Variants in GRAMD1C observed in about 807,000 individuals in gnomAD.
The protein encoded by GRAMD1C is GRAM domain containing 1C.
A neutral mutation model predicts 97.8 loss-of-function variants in GRAMD1C; 89 were observed. The observed-to-expected ratio is 0.91, with a 90% CI of 0.77 to 1.09. The LOEUF (loss-of-function observed/expected upper bound fraction) is 1.09. Ranked by LOEUF, GRAMD1C falls within the 50% of genes least tolerant of loss-of-function variation. The pLI, the probability that GRAMD1C is intolerant of heterozygous loss-of-function variation, is 0.00. For missense variants in GRAMD1C, 740 were observed against 766.4 expected, an observed-to-expected ratio of 0.97 and a Z score of 0.41; for synonymous variants, 256 against 267.0, an observed-to-expected ratio of 0.96 and a Z score of 0.40.
chr3:113,903,810 T>C (rs1340749587), intron 7 of GRAMD1C, among the ~76,000 whole-genome samples: 1 of 151,824 alleles, frequency 6.6e-6, no homozygotes, highest in East Asian at 1.9e-4. Context: ...TCTGTACCTG[T>C]CCAAGCTTTG....
Position 113,872,906 on chromosome 3 carries a change from T to C in GRAMD1C, c.260-2578T>C, listed in dbSNP as rs1367444936. On this transcript the variant is annotated intron_variant, in intron 3 of 17. Coordinates refer to ENST00000358160, the MANE Select transcript of GRAMD1C (RefSeq NM_017577.5). Reference sequence around the variant, plus strand: ...GGGCAACACAGTGAAACCCTGTGTCTACTAAAAATACAAAAAAAAAAAAAA... The same window carrying C: ...GGGCAACACAGTGAAACCCTGTGTCCACTAAAAATACAAAAAAAAAAAAAA... Among the ~76,000 whole-genome samples the C allele has an allele frequency of 1.1e-4, 14 of 132,316 alleles. No homozygotes were observed. In the South Asian group the frequency reaches 3.0e-3, roughly 28 times the overall value. The allele number at this position is 132,316 out of a possible 152,430, so 86.8% of individuals were successfully genotyped here.
intron 11 of GRAMD1C, among the ~76,000 whole-genome samples, chr3:113,932,009 G>A (rs917397306): frequency 2.6e-5 from 4 of 152,188 alleles, no homozygotes; most frequent in African/African-American, 9.7e-5. Flanking sequence ...AGAGTTAGGG[G>A]CCAAATAACT....
intron 9 of GRAMD1C, among the ~76,000 whole-genome samples, chr3:113,913,717 G>C (rs1260039961): frequency 6.6e-6 from 1 of 152,056 alleles, no homozygotes; most frequent in Non-Finnish European, 1.5e-5. Flanking sequence ...CAAATCAAGC[G>C]CTCCTACTGG....
chr3:113,936,646 A>G, intron 14 of GRAMD1C: 1 of 408,724 alleles, frequency 2.4e-6, no homozygotes, highest in Non-Finnish European at 4.3e-6. Flanking sequence ...CATATAACCA[A>G]TATATTTTAT....
At chr3:113,866,215 G>T (rs1208749461) in intron 2 of GRAMD1C, among the ~76,000 whole-genome samples, 1 of 152,156 alleles carries the variant, frequency 6.6e-6, no homozygotes, top group Non-Finnish European at 1.5e-5. Flanking sequence ...TGTTCTTGCA[G>T]TTCTGTCATT....
chr3:113,920,534 T>C (rs1430256312), intron 10 of GRAMD1C, among the ~76,000 whole-genome samples: 2 of 150,726 alleles, frequency 1.3e-5, no homozygotes, highest in Non-Finnish European at 3.0e-5. Flanking sequence ...AATTAGGGGG[T>C]CTTTATTTTT....
intron 6 of GRAMD1C, chr3:113,897,415 C>T: frequency 2.9e-6 from 1 of 341,242 alleles, no homozygotes; most frequent in Middle Eastern, 1.5e-3. Flanking sequence ...TAGGAACTGT[C>T]CCTTTAATAA....
intron 3 of GRAMD1C, among the ~76,000 whole-genome samples, chr3:113,872,272 T>TTA (rs747724287): frequency 6.6e-6 from 1 of 152,024 alleles, no homozygotes; most frequent in Admixed American, 6.6e-5. Context: ...GTATTTAGGA[T>TTA]TATATATATA....
At chr3:113,907,253 G>A (rs1936403900) in intron 8 of GRAMD1C, among the ~76,000 whole-genome samples, 1 of 152,036 alleles carries the variant, frequency 6.6e-6, no homozygotes, top group Admixed American at 6.6e-5. Context: ...AGTAAATGTT[G>A]GGAAAACATT....
chr3:113,932,820 C>A, intron 11 of GRAMD1C, among the ~76,000 whole-genome samples: 1 of 152,072 alleles, frequency 6.6e-6, no homozygotes, highest in African/African-American at 2.4e-5. Context: ...ATCTTCCCAC[C>A]TCATTCTCCC....
chr3:113,928,869 T>C (rs1231427103), intron 10 of GRAMD1C, among the ~76,000 whole-genome samples: 3 of 152,204 alleles, frequency 2.0e-5, no homozygotes, highest in East Asian at 1.9e-4. Context: ...TATCCGTTCA[T>C]CCATTAATGA....
At chr3:113,916,873 G>A (rs115633285) in intron 10 of GRAMD1C, among the ~76,000 whole-genome samples, 1 of 152,180 alleles carries the variant, frequency 6.6e-6, no homozygotes, top group Non-Finnish European at 1.5e-5. Context: ...TTGGGGCTGG[G>A]TATGGTGGCT....
At chr3:113,900,430 T>TATTA (rs1459383541) in intron 6 of GRAMD1C, among the ~76,000 whole-genome samples, 4 of 147,764 alleles carry the variant, frequency 2.7e-5, no homozygotes, top group Non-Finnish European at 4.5e-5. Context: ...TTATTATTAT[T>TATTA]ATTATTTTGA....
intron 7 of GRAMD1C, 30 bp downstream of exon 7, chr3:113,901,176 T>A: frequency 7.4e-6 from 8 of 1,074,374 alleles, no homozygotes; most frequent in Non-Finnish European, 1.2e-5. Flanking sequence ...AATGTCAAAA[T>A]TTATCAATTA....
At chr3:113,932,368 C>G (rs1184828782) in intron 11 of GRAMD1C, among the ~76,000 whole-genome samples, 2 of 152,178 alleles carry the variant, frequency 1.3e-5, no homozygotes, top group African/African-American at 4.8e-5. Flanking sequence ...GAAGCCCCCC[C>G]AACCCCCTTA....
At chr3:113,897,002 T>C (rs1013938068) in intron 6 of GRAMD1C, among the ~76,000 whole-genome samples, 7 of 152,208 alleles carry the variant, frequency 4.6e-5, no homozygotes, top group African/African-American at 7.2e-5. Flanking sequence ...AAAGAATTAT[T>C]GAGTAATCAA....
At position 113,887,085 on chromosome 3, in the gene GRAMD1C, GT is replaced by G. The variant is rs531763397; in HGVS notation, c.540+4263del. On this transcript the variant is annotated intron_variant, in intron 6 of 17. Coordinates refer to ENST00000358160, the MANE Select transcript of GRAMD1C (RefSeq NM_017577.5). ...ATGAGCCACTGCGCCTGGCCTTTTT[GT>G]TTTTTTTTTGTTTTTTTTTTTTTTT... Among the ~76,000 whole-genome samples the G allele has an allele frequency of 1.2e-3, 89 of 71,430 alleles. 1 individual carries two copies. The highest frequency in any genetic ancestry group is 3.5e-3 in the African/African-American group (77 of 22,172). 46.9% of individuals were successfully genotyped at this position (71,430 alleles called of 152,430 possible).
chr3:113,843,885 T>C (rs1236091886), intron 1 of GRAMD1C, among the ~76,000 whole-genome samples: 1 of 152,108 alleles, frequency 6.6e-6, no homozygotes, highest in Admixed American at 6.5e-5. Flanking sequence ...CTTGACTCTA[T>C]GTGTATATTA....
intron 9 of GRAMD1C, among the ~76,000 whole-genome samples, chr3:113,910,379 T>C (rs1936523563): frequency 6.6e-6 from 1 of 152,146 alleles, no homozygotes; most frequent in South Asian, 2.1e-4. Context: ...TGAGACTCCG[T>C]CTCAAAAAAC....
Sources: gnomAD v4.1 joint callset for allele counts (sites outside exome capture counted in the v4.1 genomes callset) on GRCh38, gnomAD v4.1.1 for gene constraint, MANE v1.5 for transcripts, NCBI Gene and HGNC (gene_info 2026-07-23, HGNC 2026-07-21) for gene names.